TM9SF4: variants seen among roughly 807,000 people sequenced by gnomAD.
TM9SF4 encodes dinucleotide oxidase disulfide thiol exchanger 3 superfamily member 4.
A neutral mutation model predicts 90.4 loss-of-function variants in TM9SF4; 26 were observed. That is an observed-to-expected ratio of 0.29 (90% CI 0.21 to 0.40). The LOEUF is 0.40. TM9SF4 is among the 10% of genes least tolerant of loss of function. TM9SF4 has a pLI of 1.00. For synonymous variants in TM9SF4, 293 were observed against 315.4 expected (o/e 0.93, Z 0.75); for missense variants, 549 against 834.8 (o/e 0.66, Z 4.22).
intron 17 of TM9SF4, among the ~76,000 whole-genome samples, chr20:32,164,294 G>A (rs1241730000): frequency 6.6e-6 from 1 of 152,088 alleles, no homozygotes; most frequent in Non-Finnish European, 1.5e-5. Context: ...GAGGTGGGAG[G>A]ATAACTTAAG....
At chr20:32,126,777 C>T (rs560881869) in intron 1 of TM9SF4, among the ~76,000 whole-genome samples, 3 of 152,098 alleles carry the variant, frequency 2.0e-5, no homozygotes, top group South Asian at 2.1e-4. Context: ...CTCTTGTCCC[C>T]CAGGCTGGAG....
intron 2 of TM9SF4, 68 bp from the exon 3 acceptor site, chr20:32,136,006 T>A (rs1052802877): frequency 7.3e-7 from 1 of 1,365,914 alleles, no homozygotes; most frequent in Admixed American, 1.7e-5. Context: ...TATTACCAAG[T>A]GTACTAAAGA....
At chr20:32,127,477 A>G (rs1016275474) in intron 1 of TM9SF4, among the ~76,000 whole-genome samples, 6 of 152,094 alleles carry the variant, frequency 3.9e-5, no homozygotes, top group East Asian at 1.9e-4. Flanking sequence ...CCACAAATCA[A>G]TGTTTGTCAG....
intron 1 of TM9SF4, among the ~76,000 whole-genome samples, chr20:32,121,820 C>T (rs1431774317): frequency 6.0e-5 from 9 of 151,168 alleles, no homozygotes; most frequent in Admixed American, 2.0e-4. Flanking sequence ...GGGCGGCTGG[C>T]CGGGCGGGGG....
chr20:32,149,689 C>G lies in TM9SF4; in HGVS notation c.1010C>G (p.Pro337Arg), dbSNP rs768952362. ...TTGGTGCACGGCGACGTCTTCAGGC[C>G]CCCCCAGTACCCCATGATCCTCAGC... Reference protein sequence around the residue: ...WKLVHGDVFRPPQYPMILSSL... With the variant: ...WKLVHGDVFRRPQYPMILSSL... Residue 337 changes from proline to arginine, a missense_variant, in exon 10 of 18, where the codon CCC becomes CGC. By Grantham distance (103) the Pro-to-Arg change is moderately radical (BLOSUM62 -2). Coordinates refer to ENST00000398022, the MANE Select transcript of TM9SF4 (RefSeq NM_014742.4). 3 of 1,614,162 alleles carry G rather than the reference C, an allele frequency of 1.9e-6. No individual in the cohort carries two copies. The East Asian group carries it at 6.7e-5, about 36-fold the overall frequency.
Position 32,143,002 on chromosome 20 carries a change from C to T in TM9SF4, c.549C>T (p.Leu183=), listed in dbSNP as rs1290198993. The T allele has an allele frequency of 6.2e-7, 1 of 1,613,718 alleles. No homozygotes were observed. Among genetic ancestry groups the T allele is most frequent in the Admixed American group, 1.7e-5 (1 of 60,012 alleles). ...DVNKIYLHNH[L]SFILYYHRED... ...TTCAGATCTACCTGCACAACCACCT[C>T]TCATTCATCCTTTACTATCATCGGG... Residue 183 remains leucine (L), a synonymous_variant, in exon 6 of 18, where the codon CTC becomes CTT. Coordinates refer to ENST00000398022, the MANE Select transcript of TM9SF4 (RefSeq NM_014742.4).
intron 1 of TM9SF4, chr20:32,116,175 TATGC>T (rs1227391094): frequency 1.3e-5 from 2 of 152,104 alleles, no homozygotes; most frequent in African/African-American, 4.8e-5. Context: ...CGTTTACACA[TATGC>T]AGCTGTTAGC....
chr20:32,141,444 C>T (rs2046676639), intron 3 of TM9SF4, 53 bp from the exon 4 acceptor site: 2 of 1,598,094 alleles, frequency 1.3e-6, no homozygotes, highest in Non-Finnish European at 1.7e-6. Flanking sequence ...CTCTGCTGAC[C>T]TCAGCAACCT....
chr20:32,112,679 G>A (rs959112907), intron 1 of TM9SF4, among the ~76,000 whole-genome samples: 1 of 140,564 alleles, frequency 7.1e-6, no homozygotes, highest in African/African-American at 2.8e-5. Context: ...GGGTGACAGA[G>A]TGAGACCCTA....
chr20:32,156,880 T>G (rs1470626157), intron 13 of TM9SF4, among the ~76,000 whole-genome samples: 1 of 151,984 alleles, frequency 6.6e-6, no homozygotes, highest in Non-Finnish European at 1.5e-5. Flanking sequence ...GTGCTGGGAT[T>G]ACAGGCGTGA....
rs914189217 is a variant in TM9SF4 at position 32,150,733 on chromosome 20, C to G, written c.1169+30C>G. On this transcript the variant is annotated intron_variant, in intron 11 of 17. Transcript: ENST00000398022. ...GTGTGTCTGAGTGGGCTCCCGGGGG[C>G]GGCACAGGCCTCCTCCACACCAGCT... 21 of 1,613,856 alleles carry G rather than the reference C, an allele frequency of 1.3e-5. No homozygotes were observed. The East Asian group carries it at 4.7e-4, about 36-fold the overall frequency.
chr20:32,156,905 CTTATT>C (rs1302192410), intron 13 of TM9SF4, among the ~76,000 whole-genome samples: 3 of 136,616 alleles, frequency 2.2e-5, no homozygotes, highest in Non-Finnish European at 4.6e-5. Context: ...CTGTACCCAG[CTTATT>C]TTATTGTATT....
chr20:32,132,391 C>T (rs2046531376), intron 1 of TM9SF4, among the ~76,000 whole-genome samples: 1 of 150,240 alleles, frequency 6.7e-6, no homozygotes, highest in Non-Finnish European at 1.5e-5. Flanking sequence ...GTAACTCCGT[C>T]TCAAAAAAAA....
intron 12 of TM9SF4, among the ~76,000 whole-genome samples, chr20:32,152,935 C>T (rs2046864589): frequency 6.6e-6 from 1 of 152,150 alleles, no homozygotes; most frequent in Non-Finnish European, 1.5e-5. Context: ...AGCACAGTGC[C>T]CAGTTAGTAA....
intron 14 of TM9SF4, among the ~76,000 whole-genome samples, chr20:32,158,186 G>A (rs1223407337): frequency 6.6e-6 from 1 of 152,174 alleles, no homozygotes; most frequent in African/African-American, 2.4e-5. Flanking sequence ...GGATGGAAGG[G>A]TATAGTGAGA....
chr20:32,136,958 G>A (rs755225921), intron 3 of TM9SF4: 4 of 470,946 alleles, frequency 8.5e-6, no homozygotes, highest in African/African-American at 2.0e-5. Flanking sequence ...TGGCTCAGAT[G>A]TTTCTGGAAC....
intron 10 of TM9SF4, 91 bp from the exon 11 acceptor site, chr20:32,150,531 C>T: frequency 6.6e-7 from 1 of 1,504,966 alleles, no homozygotes; most frequent in South Asian, 1.1e-5. Context: ...TCAGCCTGTC[C>T]AAGGTGGGCC....
chr20:32,134,853 A>G (rs1297771211), intron 2 of TM9SF4, among the ~76,000 whole-genome samples: 1 of 151,976 alleles, frequency 6.6e-6, no homozygotes, highest in African/African-American at 2.4e-5. Flanking sequence ...TTGCATTTTT[A>G]GTAGAGACGG....
chr20:32,111,932 G>A (rs1350370094), intron 1 of TM9SF4, among the ~76,000 whole-genome samples: 5 of 152,174 alleles, frequency 3.3e-5, no homozygotes, highest in Non-Finnish European at 5.9e-5. Flanking sequence ...AAGCATGCCT[G>A]GAAATGGGAA....
Sources: gnomAD v4.1 joint callset for allele counts (sites outside exome capture counted in the v4.1 genomes callset) on GRCh38, gnomAD v4.1.1 for gene constraint, MANE v1.5 for transcripts, NCBI Gene and HGNC (gene_info 2026-07-23, HGNC 2026-07-21) for gene names.